RAB38: variants seen among roughly 807,000 people sequenced by gnomAD.
RAB38 encodes the protein RAB38, member RAS oncogene family, also known as ras-related protein Rab-38.
Under a neutral mutation model 18.4 loss-of-function variants are expected in RAB38, and 15 were observed. The ratio of observed to expected loss-of-function variants is 0.82; its 90% CI spans 0.55 to 1.26. RAB38 has a LOEUF of 1.26. RAB38 is among the 50% of genes most tolerant of loss of function. The pLI is 0.00. For missense variants in RAB38, 294 were observed against 267.4 expected (o/e 1.10, Z -0.69); for synonymous variants, 101 against 104.4 (o/e 0.97, Z 0.20).
chr11:88,113,189 C>T (rs1942496692), downstream of RAB38: 2 of 141,808 alleles, frequency 1.4e-5, no homozygotes, highest in African/African-American at 2.8e-5. Flanking sequence ...ACCCTGTTTA[C>T]TTTGTCCGAA....
the RAB38 span, among the ~76,000 whole-genome samples, chr11:88,070,451 T>G: frequency 6.6e-6 from 1 of 152,142 alleles, no homozygotes; most frequent in African/African-American, 2.4e-5. Flanking sequence ...TTGAAGTCAG[T>G]GAGACCAAGA....
chr11:87,967,142 A>G, the RAB38 span, among the ~76,000 whole-genome samples: 1 of 152,208 alleles, frequency 6.6e-6, no homozygotes, highest in Non-Finnish European at 1.5e-5. Context: ...ACTTCAACCT[A>G]CAAAGAGATT....
chr11:88,095,834 C>T, the RAB38 span, among the ~76,000 whole-genome samples: 1 of 151,822 alleles, frequency 6.6e-6, no homozygotes, highest in Non-Finnish European at 1.5e-5. Context: ...AAGACAAAAA[C>T]TTTGGATTGC....
chr11:88,085,665 C>G, the RAB38 span, among the ~76,000 whole-genome samples: 1 of 151,844 alleles, frequency 6.6e-6, no homozygotes, highest in African/African-American at 2.4e-5. Flanking sequence ...AGGCTAAATT[C>G]CCTGATCACT....
the RAB38 span, among the ~76,000 whole-genome samples, chr11:88,010,508 A>G: frequency 4.6e-5 from 7 of 152,038 alleles, no homozygotes; most frequent in African/African-American, 1.4e-4. Flanking sequence ...TATGAATTCT[A>G]TTTTTTCCCA....
At chr11:87,951,860 G>A in the RAB38 span, among the ~76,000 whole-genome samples, 2 of 152,156 alleles carry the variant, frequency 1.3e-5, no homozygotes, top group African/African-American at 4.8e-5. Flanking sequence ...CCCACTTGAG[G>A]AGGCAGTCTG....
At chr11:87,901,112 T>A in the RAB38 span, among the ~76,000 whole-genome samples, 1 of 151,558 alleles carries the variant, frequency 6.6e-6, no homozygotes, top group African/African-American at 2.4e-5. Flanking sequence ...CACATTGGAA[T>A]CAATGGAAGT....
At chr11:87,830,525 T>G in the RAB38 span, among the ~76,000 whole-genome samples, 1 of 151,904 alleles carries the variant, frequency 6.6e-6, no homozygotes, top group African/African-American at 2.4e-5. Flanking sequence ...ATAATGTTTA[T>G]TGAGTCCTTG....
chr11:88,167,286 C>T (rs1315921012), intron 1 of RAB38: 1 of 152,050 alleles, frequency 6.6e-6, no homozygotes, highest in Non-Finnish European at 1.5e-5. Flanking sequence ...TGTAAGATAT[C>T]TGGAATGTAA....
rs116071834 is a variant in RAB38, at chr11:88,114,041, G to T, written c.583C>A (p.Pro195Thr). 6.1e-3 allele frequency: 9,800 copies of T among 1,614,148 alleles called. 41 individuals carry two copies. The highest frequency in any genetic ancestry group is 8.9e-3 in the Middle Eastern group (54 of 6,062). Residue 195 changes from proline to threonine, a missense_variant, in exon 3 of 3, where the codon CCC (proline) becomes ACC (threonine). Coordinates refer to ENST00000243662, the MANE Select transcript of RAB38 (RefSeq NM_022337.3). Reference protein sequence around the residue: ...MESIEPDVVKPHLTSTKVASC... With the variant: ...MESIEPDVVKTHLTSTKVASC... ...GCAACCTTGGTTGATGTGAGATGGG[G>T]CTTCACGACGTCCGGCTCAATAGAC...
the RAB38 span, among the ~76,000 whole-genome samples, chr11:88,036,283 C>T: frequency 6.6e-6 from 1 of 152,102 alleles, no homozygotes; most frequent in Non-Finnish European, 1.5e-5. Context: ...TCTAAGGATT[C>T]CAGTTATTTG....
At chr11:88,055,706 G>C in the RAB38 span, among the ~76,000 whole-genome samples, 1 of 152,152 alleles carries the variant, frequency 6.6e-6, no homozygotes, top group African/African-American at 2.4e-5. Context: ...CTTGGCCAAA[G>C]GATTGTGTGG....
chr11:88,027,760 C>T, the RAB38 span, among the ~76,000 whole-genome samples: 10,895 of 152,142 alleles, frequency 0.072, 631 homozygotes, highest in African/African-American at 0.14. Flanking sequence ...TCAAGGAGGC[C>T]TGCCTGCCTG....
chr11:87,938,619 G>GTT, the RAB38 span, among the ~76,000 whole-genome samples: 25,760 of 99,322 alleles, frequency 0.26, 3,555 homozygotes, highest in East Asian at 0.44. Flanking sequence ...GCTCTTTTCC[G>GTT]TTTTTTTTTT....
chr11:87,822,815 C>A, the RAB38 span, among the ~76,000 whole-genome samples: 1 of 152,072 alleles, frequency 6.6e-6, no homozygotes, highest in Non-Finnish European at 1.5e-5. Context: ...TGCCTACCCA[C>A]ATGATTTTTT....
At chr11:87,955,990 A>G in the RAB38 span, among the ~76,000 whole-genome samples, 1 of 152,134 alleles carries the variant, frequency 6.6e-6, no homozygotes, top group South Asian at 2.1e-4. Flanking sequence ...CTCTTGCTTC[A>G]GTACATTAGC....
chr11:87,964,733 A>G, the RAB38 span, among the ~76,000 whole-genome samples: 4 of 152,110 alleles, frequency 2.6e-5, no homozygotes, highest in African/African-American at 9.7e-5. Flanking sequence ...ATTAAAAAAA[A>G]TTGCTTCCAC....
the RAB38 span, among the ~76,000 whole-genome samples, chr11:87,893,371 C>CATATATATATATATATGTGTATAT: frequency 1.2e-5 from 1 of 86,446 alleles, no homozygotes; most frequent in African/African-American, 4.3e-5. Flanking sequence ...ATATATTTTA[C>CATATATATATATATATGTGTATAT]ATATATATAT....
the RAB38 span, among the ~76,000 whole-genome samples, chr11:87,954,986 G>A: frequency 1.1e-4 from 17 of 151,652 alleles, no homozygotes; most frequent in East Asian, 3.9e-4. Flanking sequence ...ACTAAGTAGC[G>A]GGTTGGAGTA....
Sources: allele counts gnomAD v4.1 joint callset (sites outside exome capture counted in the v4.1 genomes callset), GRCh38; gene constraint gnomAD v4.1.1; transcripts MANE v1.5; gene names NCBI Gene and HGNC (gene_info 2026-07-23, HGNC 2026-07-21).